ZFPM2: variants seen among roughly 807,000 people sequenced by gnomAD.
ZFPM2 encodes zinc finger protein ZFPM2.
A neutral mutation model predicts 98.6 loss-of-function variants in ZFPM2; 20 were observed. The observed-to-expected ratio is 0.20, with a 90% CI of 0.14 to 0.29. The LOEUF (loss-of-function observed/expected upper bound fraction) is 0.29, where lower values mean the gene tolerates loss of function less well. Among genes scored for constraint, ZFPM2 ranks in the 10% least tolerant of loss-of-function variants. ZFPM2 has a pLI of 1.00. For synonymous variants in ZFPM2, 518 were observed against 502.7 expected, an observed-to-expected ratio of 1.03 and a Z score of -0.41; for missense variants, 1,310 against 1,388.6, an observed-to-expected ratio of 0.94 and a Z score of 0.90.
intron 5 of ZFPM2, among the ~76,000 whole-genome samples, chr8:105,661,596 G>A (rs1817389769): frequency 6.6e-6 from 1 of 152,080 alleles, no homozygotes; most frequent in African/African-American, 2.4e-5. Flanking sequence ...TCTGTTGGCA[G>A]TATAGTTTCA....
At chr8:105,572,951 G>T (rs896981205) in intron 4 of ZFPM2, among the ~76,000 whole-genome samples, 1 of 152,068 alleles carries the variant, frequency 6.6e-6, no homozygotes, top group African/African-American at 2.4e-5. Context: ...TATGTAGGTT[G>T]GTCTGTGGTT....
intron 5 of ZFPM2, among the ~76,000 whole-genome samples, chr8:105,650,682 C>A (rs10111086): frequency 0.46 from 70,285 of 151,930 alleles, 16,421 homozygotes; most frequent in African/African-American, 0.52. Context: ...TGTAGTGGAG[C>A]GGTTTTTAGT....
At chr8:105,342,067 AAT>A (rs1812439936) in intron 1 of ZFPM2, among the ~76,000 whole-genome samples, 1 of 152,070 alleles carries the variant, frequency 6.6e-6, no homozygotes, top group Non-Finnish European at 1.5e-5. Context: ...GAAGATTTCT[AAT>A]ATGTGTCTTC....
intron 1 of ZFPM2, among the ~76,000 whole-genome samples, chr8:105,384,683 G>A (rs1473237408): frequency 1.3e-5 from 2 of 152,060 alleles, no homozygotes; most frequent in Non-Finnish European, 2.9e-5. Context: ...AGAAGAAAGA[G>A]GAAATTCAAA....
chr8:105,605,475 A>C (rs1434271701), intron 4 of ZFPM2, among the ~76,000 whole-genome samples: 1 of 152,130 alleles, frequency 6.6e-6, no homozygotes, highest in Non-Finnish European at 1.5e-5. Flanking sequence ...TATCTACATC[A>C]TTAAAACTGT....
intron 1 of ZFPM2, among the ~76,000 whole-genome samples, chr8:105,370,292 C>A (rs1232803928): frequency 6.6e-6 from 1 of 152,158 alleles, no homozygotes; most frequent in Admixed American, 6.6e-5. Context: ...AGTATTAGTT[C>A]TTTCTAATGG....
At chr8:105,727,971 A>G (rs80057605) in intron 5 of ZFPM2, among the ~76,000 whole-genome samples, 1 of 151,316 alleles carries the variant, frequency 6.6e-6, no homozygotes, top group East Asian at 2.0e-4. Context: ...AAAAAAACAA[A>G]ATCAAACAGC....
chr8:105,319,499 G>A (rs1342724686), intron 1 of ZFPM2: 1 of 152,368 alleles, frequency 6.6e-6, no homozygotes, highest in South Asian at 2.1e-4. Flanking sequence ...GATCCTGGGC[G>A]GTGCCAGAGC....
chr8:105,590,762 G>A (rs1269206651), intron 4 of ZFPM2, among the ~76,000 whole-genome samples: 50 of 149,850 alleles, frequency 3.3e-4, no homozygotes, highest in African/African-American at 7.1e-4. Context: ...ACGTGCGCAC[G>A]CACACACACA....
chr8:105,525,075 T>C (rs778971909), intron 3 of ZFPM2, among the ~76,000 whole-genome samples: 6 of 152,228 alleles, frequency 3.9e-5, no homozygotes, highest in African/African-American at 7.2e-5. Context: ...ATGTATCCAA[T>C]TGTAAAATCC....
At chr8:105,419,826 C>CT (rs906004420) in intron 2 of ZFPM2, among the ~76,000 whole-genome samples, 7 of 145,104 alleles carry the variant, frequency 4.8e-5, no homozygotes, top group Non-Finnish European at 8.8e-5. Flanking sequence ...ATTCTAGATA[C>CT]TTTTTTGACA....
At chr8:105,572,033 C>CTTTTT (rs869198147) in intron 4 of ZFPM2, among the ~76,000 whole-genome samples, 25 of 103,362 alleles carry the variant, frequency 2.4e-4, no homozygotes, top group Non-Finnish European at 3.0e-4. Context: ...GGGTAAATTT[C>CTTTTT]TTTTTTTTTT....
chr8:105,460,250 A>G (rs1315693607), intron 3 of ZFPM2, among the ~76,000 whole-genome samples: 1 of 152,194 alleles, frequency 6.6e-6, no homozygotes, highest in African/African-American at 2.4e-5. Context: ...CCAGTGGCCT[A>G]ACGGATCTGC....
chr8:105,434,436 T>C (rs1257175634), intron 2 of ZFPM2, among the ~76,000 whole-genome samples: 4 of 152,208 alleles, frequency 2.6e-5, no homozygotes, highest in African/African-American at 9.6e-5. Flanking sequence ...GCTGCAGTTT[T>C]CTGTTTTTGA....
chr8:105,329,946 TA>T (rs960742856), intron 1 of ZFPM2, among the ~76,000 whole-genome samples: 29 of 151,886 alleles, frequency 1.9e-4, no homozygotes, highest in African/African-American at 5.1e-4. Context: ...AAATCACCTT[TA>T]AAAAAATCTG....
chr8:105,660,465 A>G (rs1817366176), intron 5 of ZFPM2, among the ~76,000 whole-genome samples: 1 of 152,206 alleles, frequency 6.6e-6, no homozygotes. Context: ...TGCCCCACCA[A>G]TGGATTAAAG....
intron 5 of ZFPM2, among the ~76,000 whole-genome samples, chr8:105,734,869 C>T (rs1006251759): frequency 7.4e-6 from 1 of 135,832 alleles, no homozygotes; most frequent in Admixed American, 6.9e-5. Context: ...TGCCCCTTTC[C>T]CATGAGGCTT....
chr8:105,440,441 A>G (rs1288937436), intron 2 of ZFPM2, among the ~76,000 whole-genome samples: 1 of 152,194 alleles, frequency 6.6e-6, no homozygotes, highest in Non-Finnish European at 1.5e-5. Context: ...TATTACATAC[A>G]TGGTGACTGG....
At chr8:105,538,248 A>G (rs374771964) in intron 3 of ZFPM2, among the ~76,000 whole-genome samples, 5 of 152,296 alleles carry the variant, frequency 3.3e-5, no homozygotes, top group African/African-American at 1.2e-4. Flanking sequence ...AAAATGGGTA[A>G]GATGATATTT....
Sources: allele counts gnomAD v4.1 joint callset (sites outside exome capture counted in the v4.1 genomes callset), GRCh38; gene constraint gnomAD v4.1.1; transcripts MANE v1.5; gene names NCBI Gene and HGNC (gene_info 2026-07-23, HGNC 2026-07-21).